AMPD3: variants seen among roughly 807,000 people sequenced by gnomAD.
AMPD3 encodes adenosine monophosphate deaminase 3, also known as AMP deaminase 3.
AMPD3 carries 57 observed loss-of-function variants against 82.3 expected under a neutral mutation model. The ratio of observed to expected loss-of-function variants is 0.69; its 90% confidence interval spans 0.56 to 0.86. The LOEUF (loss-of-function observed/expected upper bound fraction) is 0.86. Ranked by LOEUF, AMPD3 falls within the 40% of genes least tolerant of loss-of-function variation. The pLI is 0.00. For missense variants in AMPD3, 870 were observed against 1,003.8 expected (o/e 0.87, Z 1.80); for synonymous variants, 381 against 394.7 (o/e 0.97, Z 0.41).
intron 13 of AMPD3, chr11:10,503,907 C>G (rs566467533): frequency 1.0e-6 from 1 of 979,146 alleles, no homozygotes; most frequent in Non-Finnish European, 1.2e-6. Flanking sequence ...ACCTGTACTT[C>G]GAGAACTATT....
intron 4 of AMPD3, among the ~76,000 whole-genome samples, chr11:10,483,396 T>C: frequency 6.6e-6 from 1 of 152,196 alleles, no homozygotes. Context: ...AGTCTCTGGC[T>C]TCCTTGAATT....
At position 10,484,959 on chromosome 11, in the gene AMPD3, G is replaced by A. The variant is rs780910038; in HGVS notation, c.729G>A (p.Pro243=). ...DNKKMLEHQE[P]HSLPYPDLET... ...AGAAGATGCTGGAGCACCAGGAGCCGCACAGCCTACCCTACCCCGACCTGG... is the reference window on the plus strand; with the variant it reads ...AGAAGATGCTGGAGCACCAGGAGCCACACAGCCTACCCTACCCCGACCTGG... The change falls in exon 5 of 15, where the codon CCG becomes CCA. Residue 243 remains proline (P), a synonymous_variant. Coordinates refer to ENST00000396553, the MANE Select transcript of AMPD3 (RefSeq NM_001025389.2). The A allele has an allele frequency of 8.4e-5, 135 of 1,613,572 alleles. No individual in the cohort carries two copies. The highest frequency in any genetic ancestry group is 1.0e-4 in the Non-Finnish European group (122 of 1,179,928).
chr11:10,450,401 G>T, upstream of AMPD3: 1 of 984,494 alleles, frequency 1.0e-6, no homozygotes, highest in South Asian at 4.7e-5. Context: ...AGGACGCCTG[G>T]AAGAAACCAA....
intron 10 of AMPD3, 28 bp from the exon 11 acceptor site, chr11:10,500,058 C>T (rs1217874275): frequency 1.2e-6 from 2 of 1,614,030 alleles, no homozygotes; most frequent in African/African-American, 1.3e-5. Flanking sequence ...CCTGCCTTGG[C>T]CTGGTGCTCA....
In AMPD3 at chr11:10,499,977, TGAGGGGCCCA is replaced by T. The variant is rs1339525112; in HGVS notation, c.1558-106_1558-97del. The T allele has an allele frequency of 9.0e-6, 14 of 1,552,270 alleles. No homozygotes were observed. The Admixed American group carries it at 2.5e-4, about 27-fold the overall frequency. On this transcript the variant is annotated intron_variant, in intron 10 of 14. Transcript: ENST00000396553. ...GGGGTCCCCAGCTGAGGTGTGAACC[TGAGGGGCCCA>T]GACCCACAGGCCTCTGGCAGCTATG...
intron 6 of AMPD3, among the ~76,000 whole-genome samples, chr11:10,492,026 A>G (rs554727793): frequency 1.3e-5 from 2 of 152,322 alleles, no homozygotes; most frequent in South Asian, 4.1e-4. Context: ...AAGAAATTCC[A>G]TTATTAAGAG....
chr11:10,487,341 C>T lies in AMPD3; in HGVS notation c.916C>T (p.Arg306Trp), dbSNP rs76836360. Residue 306 changes from arginine to tryptophan, a missense_variant, in exon 6 of 15, where the codon CGG (arginine) becomes TGG (tryptophan). Physicochemically the swap from Arg to Trp is moderately radical, Grantham distance 101. Transcript: ENST00000396553. ...EFKELKSNPH[R>W]DFYNVRKVDT... ...CAAAGAGTTGAAGAGTAACCCCCAC[C>T]GGGACTTCTATAACGTGAGAAAGGT... 3.0e-4 allele frequency: 479 copies of T among 1,614,114 alleles called. 3 individuals carry two copies. In the African/African-American group the frequency reaches 5.5e-3, roughly 19 times the overall value.
chr11:10,455,073 C>T (rs771976642), upstream of AMPD3: 11 of 836,816 alleles, frequency 1.3e-5, no homozygotes, highest in East Asian at 1.2e-4. Flanking sequence ...ATTGGACATG[C>T]GGAGGTGACT....
At chr11:10,501,130 G>A in intron 11 of AMPD3, 1 of 985,376 alleles carries the variant, frequency 1.0e-6, no homozygotes. Flanking sequence ...ACAGAGGTCA[G>A]ACTCTGTGGT....
In AMPD3 at chr11:10,504,541, G is replaced by T. The variant is rs755870471; in HGVS notation, c.2017-8G>T. On this transcript the variant is annotated splice_region_variant and splice_polypyrimidine_tract_variant and intron_variant, in intron 13 of 14. Coordinates refer to ENST00000396553, the MANE Select transcript of AMPD3 (RefSeq NM_001025389.2). ...CTTCTAATCCACATGCTTTGGGGGA[G>T]GATCTAGGAAGCACTTATGGAAGAA... is the stretch of plus-strand genomic sequence containing the variant. 34 of 1,612,720 alleles carry T rather than the reference G, an allele frequency of 2.1e-5. No homozygotes were observed. The Admixed American group carries it at 5.3e-4, about 25-fold the overall frequency.
chr11:10,497,895 A>T (rs1405599184), intron 10 of AMPD3: 1 of 953,178 alleles, frequency 1.0e-6, no homozygotes, highest in Admixed American at 6.2e-5. Context: ...TTTGTTGTTA[A>T]CAGTAAGCGG....
chr11:10,493,567 C>T lies in AMPD3; in HGVS notation c.1134+24C>T, dbSNP rs753823759. 5.0e-6 allele frequency: 8 copies of T among 1,611,334 alleles called. No individual in the cohort carries two copies. In the East Asian group the frequency reaches 1.1e-4, roughly 22 times the overall value. The stretch of plus-strand genomic sequence containing the variant: ...CGGTGAGTGAGCTTCTGCTCCAGTG[C>T]CGCCAGCAGACAGCAGCCCTGGCTG... On this transcript the variant is annotated intron_variant, in intron 7 of 14. Coordinates refer to ENST00000396553, the MANE Select transcript of AMPD3 (RefSeq NM_001025389.2).
chr11:10,475,115 C>T (rs1404517939), intron 2 of AMPD3, among the ~76,000 whole-genome samples: 2 of 152,196 alleles, frequency 1.3e-5, no homozygotes. Context: ...GCAGCATCTG[C>T]TTCTGAGGAA....
rs1180970948 is a variant in AMPD3 at position 10,456,389 on chromosome 11, G to A, written c.-6+941G>A. 6.2e-7 allele frequency: 1 copy of A among 1,613,814 alleles called. No individual in the cohort carries two copies. Among genetic ancestry groups the A allele is most frequent in the African/African-American group, 1.3e-5 (1 of 75,050 alleles). On this transcript the variant is annotated intron_variant, in intron 1 of 14. Transcript: ENST00000396553. The surrounding 1 kb of genome is among the most constrained non-coding windows in gnomAD (Gnocchi z 4.3). ...GAGTGGCATCTTCAGGACCAGTCAT[G>A]GAGCCAGGCTCAGGTCTGTGTCGGG...
At chr11:10,502,583 T>C (rs1198629682) in intron 12 of AMPD3, 138 bp from the exon 13 acceptor site, 4 of 1,589,112 alleles carry the variant, frequency 2.5e-6, no homozygotes, top group Non-Finnish European at 3.4e-6. Context: ...TTCGAGGAAC[T>C]CGGGTTGAGG....
chr11:10,462,427 T>A (rs1474050035), intron 2 of AMPD3, among the ~76,000 whole-genome samples: 1 of 151,322 alleles, frequency 6.6e-6, no homozygotes, highest in Non-Finnish European at 1.5e-5. Flanking sequence ...CAAGGTGGAG[T>A]CGCCCTGGGG....
At chr11:10,481,745 TGGGAAGTGTTGTTTACCA>T (rs1375089394) in intron 3 of AMPD3, 4 of 414,152 alleles carry the variant, frequency 9.7e-6, no homozygotes, top group Non-Finnish European at 1.4e-5. Context: ...ACAGCACATG[TGGGAAGTGTTGTTTACCA>T]GGGAAGCTCA....
intron 3 of AMPD3, 61 bp downstream of exon 3, chr11:10,478,791 C>T (rs1848817380): frequency 6.4e-7 from 1 of 1,561,874 alleles, no homozygotes; most frequent in African/African-American, 1.4e-5. Context: ...GCCCCATGGG[C>T]CACAGGGTCG....
rs1262650064 is a variant in AMPD3 at position 10,473,950 on chromosome 11, G to A, written c.222-4576G>A. Among the ~76,000 whole-genome samples, 7 of 152,194 alleles carry A rather than the reference G, an allele frequency of 4.6e-5. No homozygotes were observed. The South Asian group carries it at 1.0e-3, about 23-fold the overall frequency. On this transcript the variant is annotated intron_variant, in intron 2 of 14. Coordinates refer to ENST00000396553, the MANE Select transcript of AMPD3 (RefSeq NM_001025389.2). ...ATTTTAGCGTAACAATTCTCATGTG[G>A]AGGGGCTGCCAGAATGAGCTGAGTG...
Sources: gnomAD v4.1 joint callset for allele counts (sites outside exome capture counted in the v4.1 genomes callset) on GRCh38, gnomAD v4.1.1 for gene constraint, Gnocchi (gnomAD v3.1) non-coding constraint, MANE v1.5 for transcripts, NCBI Gene and HGNC (gene_info 2026-07-23, HGNC 2026-07-21) for gene names.